The following FAT3 variants were observed in gnomAD, a reference collection of about 807,000 sequenced individuals.
FAT3 encodes the protein FAT atypical cadherin 3, also known as protocadherin Fat 3.
A neutral mutation model predicts 310.2 loss-of-function variants in FAT3; 95 were observed. The ratio of observed to expected loss-of-function variants is 0.31; its 90% CI spans 0.26 to 0.36. The LOEUF (loss-of-function observed/expected upper bound fraction) is 0.36. Among genes scored for constraint, FAT3 ranks in the 10% least tolerant of loss-of-function variants. The pLI is 1.00. For synonymous variants in FAT3, 2,314 were observed against 2,192.9 expected (o/e 1.06, Z -1.54); for missense variants, 5,408 against 5,715.6 (o/e 0.95, Z 1.74).
intron 4 of FAT3, among the ~76,000 whole-genome samples, chr11:92,699,494 A>G (rs919044655): frequency 6.6e-6 from 1 of 152,238 alleles, no homozygotes; most frequent in Non-Finnish European, 1.5e-5. Flanking sequence ...ATGCATTGTT[A>G]TAAAAAAATT....
chr11:92,789,838 A>C (rs1231714215), intron 7 of FAT3, 105 bp from the exon 8 acceptor site: 37 of 1,121,616 alleles, frequency 3.3e-5, no homozygotes, highest in Non-Finnish European at 4.5e-5. Flanking sequence ...ACTAGAAGCT[A>C]GGATCCAAGG....
At chr11:92,327,710 C>T (rs2134520249) in intron 1 of FAT3, among the ~76,000 whole-genome samples, 1 of 152,250 alleles carries the variant, frequency 6.6e-6, no homozygotes, top group African/African-American at 2.4e-5. Flanking sequence ...AGCTCCGGGT[C>T]CCATCCACTG....
chr11:92,418,402 C>T (rs1950460870), intron 2 of FAT3, among the ~76,000 whole-genome samples: 2 of 147,986 alleles, frequency 1.4e-5, no homozygotes, highest in East Asian at 2.1e-4. Flanking sequence ...CAACAAACTT[C>T]AGTGCAAAAG....
intron 19 of FAT3, among the ~76,000 whole-genome samples, chr11:92,855,504 G>A (rs1161822904): frequency 6.6e-6 from 1 of 152,126 alleles, no homozygotes; most frequent in African/African-American, 2.4e-5. Flanking sequence ...ACATTCCCAG[G>A]CCTTATACCT....
At chr11:92,837,829 G>A in intron 17 of FAT3, 23 bp downstream of exon 17, 3 of 1,613,816 alleles carry the variant, frequency 1.9e-6, no homozygotes, top group Non-Finnish European at 2.5e-6. Context: ...TGCCTGCCAA[G>A]CACTTGTCCC....
intron 3 of FAT3, among the ~76,000 whole-genome samples, chr11:92,587,937 A>G (rs1454440440): frequency 6.6e-6 from 1 of 152,000 alleles, no homozygotes; most frequent in Non-Finnish European, 1.5e-5. Flanking sequence ...TTGTTCCTTA[A>G]TAGTGGAATA....
chr11:92,741,022 C>T (rs1218193703), intron 4 of FAT3, among the ~76,000 whole-genome samples: 1 of 152,060 alleles, frequency 6.6e-6, no homozygotes, highest in Non-Finnish European at 1.5e-5. Flanking sequence ...CAACGTCTGC[C>T]CTCAGAGAAC....
chr11:92,676,247 C>T (rs1022381727), intron 3 of FAT3, among the ~76,000 whole-genome samples: 3 of 152,158 alleles, frequency 2.0e-5, no homozygotes, highest in South Asian at 2.1e-4. Context: ...GGCAGTTATT[C>T]GCATGTGCTT....
chr11:92,241,145 G>T (rs545267689), intron 1 of FAT3, among the ~76,000 whole-genome samples: 2 of 151,982 alleles, frequency 1.3e-5, no homozygotes, highest in Admixed American at 6.6e-5. Context: ...CTTGATATTC[G>T]TTGGCCAAAC....
At chr11:92,462,414 C>T (rs1215316604) in intron 2 of FAT3, among the ~76,000 whole-genome samples, 1 of 152,094 alleles carries the variant, frequency 6.6e-6, no homozygotes, top group Non-Finnish European at 1.5e-5. Context: ...TAAGTGAGAA[C>T]ATGTGGTATT....
rs552845369 is a variant in FAT3, at chr11:92,880,867, T to A, written c.12264T>A (p.Ala4088=). ...ACACTTTCATCTGCAATTGTAAAGC[T>A]GGGCTCACTGGAGTCACGTAAGTGA... The part of the protein sequence containing the change: ...IGNTFICNCK[A]GLTGVTCEED... Residue 4088 remains alanine, a synonymous_variant, in exon 23 of 28, where the codon GCT becomes GCA. Coordinates refer to ENST00000525166, the MANE Select transcript of FAT3 (RefSeq NM_001367949.2). 4.3e-6 allele frequency: 7 copies of A among 1,613,940 alleles called. No individual in the cohort carries two copies. The African/African-American group carries it at 9.3e-5, about 21-fold the overall frequency.
At chr11:92,497,133 C>T (rs1487340378) in intron 2 of FAT3, among the ~76,000 whole-genome samples, 1 of 151,954 alleles carries the variant, frequency 6.6e-6, no homozygotes, top group African/African-American at 2.4e-5. Context: ...TACTAGTTTC[C>T]ATAGACGCCT....
chr11:92,598,228 A>ATTTT (rs202033909), intron 3 of FAT3, among the ~76,000 whole-genome samples: 8 of 129,128 alleles, frequency 6.2e-5, no homozygotes, highest in African/African-American at 2.2e-4. Context: ...ATATATATAT[A>ATTTT]TATTTTTTTT....
At chr11:92,670,340 T>A (rs1452237492) in intron 3 of FAT3, among the ~76,000 whole-genome samples, 1 of 152,184 alleles carries the variant, frequency 6.6e-6, no homozygotes, top group Non-Finnish European at 1.5e-5. Flanking sequence ...TTTCAGATCC[T>A]CCATGCCCAT....
chr11:92,269,183 T>G (rs1008600992), intron 1 of FAT3, among the ~76,000 whole-genome samples: 1 of 152,078 alleles, frequency 6.6e-6, no homozygotes. Flanking sequence ...AAACATTTCC[T>G]CATAGTTATG....
intron 3 of FAT3, among the ~76,000 whole-genome samples, chr11:92,687,674 G>A (rs148250505): frequency 1.3e-5 from 2 of 152,198 alleles, no homozygotes; most frequent in East Asian, 1.9e-4. Context: ...TTTGCCTTGT[G>A]TCCAAATGTG....
At chr11:92,258,669 G>A (rs1865411433) in intron 1 of FAT3, among the ~76,000 whole-genome samples, 1 of 152,040 alleles carries the variant, frequency 6.6e-6, no homozygotes, top group South Asian at 2.1e-4. Context: ...AGGCAGTTGT[G>A]CATCCCTAAA....
At chr11:92,340,578 G>A (rs924991982) in intron 1 of FAT3, among the ~76,000 whole-genome samples, 3 of 152,204 alleles carry the variant, frequency 2.0e-5, no homozygotes, top group Non-Finnish European at 4.4e-5. Context: ...GATTGGAGGA[G>A]CAAAACAAGC....
At chr11:92,666,203 A>G (rs1942943790) in intron 3 of FAT3, among the ~76,000 whole-genome samples, 2 of 152,242 alleles carry the variant, frequency 1.3e-5, no homozygotes, top group Admixed American at 1.3e-4. Flanking sequence ...GTAGTAAACT[A>G]GGAACATCAA....
Sources: allele counts gnomAD v4.1 joint callset (sites outside exome capture counted in the v4.1 genomes callset), GRCh38; gene constraint gnomAD v4.1.1; transcripts MANE v1.5; gene names NCBI Gene and HGNC (gene_info 2026-07-23, HGNC 2026-07-21).